Variants in CCBE1 observed in about 807,000 individuals in gnomAD.
CCBE1 encodes the protein collagen and calcium-binding EGF domain-containing protein 1.
Under a neutral mutation model 50.0 loss-of-function variants are expected in CCBE1, and 37 were observed. That is an observed-to-expected ratio of 0.74 (90% CI 0.57 to 0.97). CCBE1 has a LOEUF of 0.97. CCBE1 is among the 50% of genes least tolerant of loss of function. CCBE1 has a pLI of 0.00. For synonymous variants in CCBE1, 234 were observed against 203.7 expected, an observed-to-expected ratio of 1.15 and a Z score of -1.27; for missense variants, 538 against 523.8, an observed-to-expected ratio of 1.03 and a Z score of -0.26.
chr18:59,526,189 T>G (rs1055356767), intron 2 of CCBE1, among the ~76,000 whole-genome samples: 5 of 152,176 alleles, frequency 3.3e-5, no homozygotes, highest in African/African-American at 9.7e-5. Context: ...GTTTTTCGTG[T>G]ATCTATCTCC....
Position 59,436,269 on chromosome 18 carries a change from G to A in CCBE1, c.988-128C>T, listed in dbSNP as rs1037609959. 8.9e-5 allele frequency: 71 copies of A among 801,880 alleles called. 1 individual carries two copies. Among genetic ancestry groups the A allele is most frequent in the Middle Eastern group, 3.4e-4 (1 of 2,952 alleles). The allele number at this position is 801,880 out of a possible 1,614,324, so 49.7% of individuals were successfully genotyped here. A position where few individuals can be genotyped will look rare whatever the true frequency, so the allele number is the denominator to read the frequency against. On this transcript the variant is annotated intron_variant, in intron 10 of 10. Transcript: ENST00000439986. ...ACTCTGTGCCCCAAATGGAGCCAAT[G>A]TGAGGACTGCTACAGGAGCCTGGGG...
At chr18:59,570,916 G>T (rs2052903267) in intron 2 of CCBE1, among the ~76,000 whole-genome samples, 1 of 152,168 alleles carries the variant, frequency 6.6e-6, no homozygotes, top group Non-Finnish European at 1.5e-5. Context: ...CCCTAGCAGT[G>T]CCCTGGGCCT....
intron 2 of CCBE1, among the ~76,000 whole-genome samples, chr18:59,638,921 C>T (rs1027270682): frequency 6.6e-6 from 1 of 151,978 alleles, no homozygotes; most frequent in African/African-American, 2.4e-5. Flanking sequence ...TCATAGATAA[C>T]AAGAAATCTA....
chr18:59,636,236 G>C lies in CCBE1; in HGVS notation c.212+60393C>G, dbSNP rs192310663. ...AACACAGACACAGAAGAGAGGGGTGGAAGAAGAAAAAAAGCTATATTAAAA... is the reference window on the plus strand; with the variant it reads ...AACACAGACACAGAAGAGAGGGGTGCAAGAAGAAAAAAAGCTATATTAAAA... On this transcript the variant is annotated intron_variant, in intron 2 of 10. Transcript: ENST00000439986. 2.3e-3 allele frequency among the ~76,000 whole-genome samples: 343 copies of C among 152,182 alleles called. 4 individuals are homozygous for C. The highest frequency in any genetic ancestry group is 7.9e-3 in the African/African-American group (328 of 41,524).
intron 2 of CCBE1, among the ~76,000 whole-genome samples, chr18:59,582,474 T>C (rs1472585312): frequency 6.6e-6 from 1 of 152,198 alleles, no homozygotes; most frequent in East Asian, 1.9e-4. Flanking sequence ...GAAACTTAAA[T>C]GTTTTGTGCA....
rs188998409 is a variant in CCBE1, at chr18:59,432,142, G to C, written c.*3766C>G. 1 of 152,038 alleles carries C rather than the reference G, an allele frequency of 6.6e-6. No homozygotes were observed. Among genetic ancestry groups the C allele is most frequent in the East Asian group, 1.9e-4 (1 of 5,174 alleles). 9.4% of individuals were successfully genotyped at this position (152,038 alleles called of 1,614,324 possible). The stretch of plus-strand genomic sequence containing the variant: ...CTAATTTTTTTTTTTATTTATTTTA[G>C]TAGAGATGGGGTTTCACCACGTGTT... On this transcript the variant is annotated 3_prime_UTR_variant, in exon 11 of 11. Coordinates refer to ENST00000439986, the MANE Select transcript of CCBE1 (RefSeq NM_133459.4).
In CCBE1 at chr18:59,491,827, C is replaced by CAAACAAAT. The variant is rs113527622; in HGVS notation, c.213-11590_213-11589insATTTGTTT. Among the ~76,000 whole-genome samples, 565 of 133,442 alleles carry CAAACAAAT rather than the reference C, an allele frequency of 4.2e-3. 2 individuals are homozygous for CAAACAAAT. The highest frequency in any genetic ancestry group is 4.5e-3 in the Non-Finnish European group (263 of 58,124). The allele number at this position is 133,442 out of a possible 152,430, so 87.5% of individuals were successfully genotyped here. On this transcript the variant is annotated intron_variant, in intron 2 of 10. Transcript: ENST00000439986. Reference sequence around the variant, plus strand: ...GAGACTCTGTCTCCAAACAAACAAACAAACAAACAAAAAAAAACGTTTCAT... The same window carrying CAAACAAAT: ...GAGACTCTGTCTCCAAACAAACAAACAAACAAATAAACAAACAAAAAAAAACGTTTCAT...
intron 2 of CCBE1, among the ~76,000 whole-genome samples, chr18:59,531,173 C>G (rs1309701862): frequency 6.6e-6 from 1 of 152,042 alleles, no homozygotes; most frequent in Non-Finnish European, 1.5e-5. Context: ...TGATATTCCC[C>G]AAATCAGCTT....
At chr18:59,614,213 C>G (rs2053609127) in intron 2 of CCBE1, among the ~76,000 whole-genome samples, 1 of 152,066 alleles carries the variant, frequency 6.6e-6, no homozygotes, top group African/African-American at 2.4e-5. Flanking sequence ...CCATGCCGGC[C>G]CGGCTCAAAC....
At chr18:59,619,976 G>C (rs999590988) in intron 2 of CCBE1, among the ~76,000 whole-genome samples, 1 of 152,196 alleles carries the variant, frequency 6.6e-6, no homozygotes, top group Admixed American at 6.5e-5. Context: ...CTGGACAAGA[G>C]AGGGCGGTAT....
At chr18:59,472,663 G>C (rs903696165) in intron 3 of CCBE1, among the ~76,000 whole-genome samples, 1 of 152,170 alleles carries the variant, frequency 6.6e-6, no homozygotes, top group African/African-American at 2.4e-5. Flanking sequence ...CCATGAATGT[G>C]CATTCACCAT....
chr18:59,464,743 G>C (rs1911661219), intron 5 of CCBE1, among the ~76,000 whole-genome samples: 1 of 152,260 alleles, frequency 6.6e-6, no homozygotes, highest in South Asian at 2.1e-4. Context: ...AGCGGAAGCT[G>C]GTCCTCAGCT....
chr18:59,580,694 C>T (rs1186665228), intron 2 of CCBE1, among the ~76,000 whole-genome samples: 1 of 152,172 alleles, frequency 6.6e-6, no homozygotes, highest in African/African-American at 2.4e-5. Context: ...GTGGGGGATC[C>T]TGACCCAGTT....
chr18:59,444,632 C>A (rs1339473508), intron 7 of CCBE1, among the ~76,000 whole-genome samples: 1 of 152,018 alleles, frequency 6.6e-6, no homozygotes, highest in African/African-American at 2.4e-5. Context: ...TCTTCTACCC[C>A]TCAGCCTCCT....
At chr18:59,448,179 G>T in intron 6 of CCBE1, 76 bp from the exon 7 acceptor site, 1 of 1,597,050 alleles carries the variant, frequency 6.3e-7, no homozygotes, top group Non-Finnish European at 8.5e-7. Context: ...GGTGGGAGAA[G>T]CTGCAAAGCC....
At chr18:59,516,492 G>A (rs1914378103) in intron 2 of CCBE1, among the ~76,000 whole-genome samples, 1 of 152,204 alleles carries the variant, frequency 6.6e-6, no homozygotes, top group Admixed American at 6.5e-5. Flanking sequence ...TGTTGCAACA[G>A]GACCTCGTGG....
chr18:59,620,828 G>A (rs1002333097), intron 2 of CCBE1, among the ~76,000 whole-genome samples: 3 of 152,180 alleles, frequency 2.0e-5, no homozygotes, highest in Admixed American at 6.5e-5. Flanking sequence ...AAATTGCCCA[G>A]TCTCAGGTAT....
At chr18:59,553,751 C>G (rs899122364) in intron 2 of CCBE1, among the ~76,000 whole-genome samples, 70 of 152,226 alleles carry the variant, frequency 4.6e-4, no homozygotes, top group African/African-American at 1.7e-3. Context: ...TTTTCAGCTA[C>G]CCGGGTCAGC....
intron 2 of CCBE1, among the ~76,000 whole-genome samples, chr18:59,597,576 T>TAGA (rs2053371648): frequency 6.6e-6 from 1 of 151,950 alleles, no homozygotes; most frequent in African/African-American, 2.4e-5. Context: ...GTAGTAGTAG[T>TAGA]AGAAGAAAGG....
Sources: gnomAD v4.1 joint callset for allele counts (sites outside exome capture counted in the v4.1 genomes callset) on GRCh38, gnomAD v4.1.1 for gene constraint, MANE v1.5 for transcripts, NCBI Gene and HGNC (gene_info 2026-07-23, HGNC 2026-07-21) for gene names.